The following NXPE4 variants were observed in gnomAD, a reference collection of about 807,000 sequenced individuals.
The protein encoded by NXPE4 is NXPE family member 4.
A neutral mutation model predicts 33.3 loss-of-function variants in NXPE4; 42 were observed. The ratio of observed to expected loss-of-function variants is 1.26; its 90% CI spans 0.98 to 1.63. NXPE4 has a LOEUF of 1.63. NXPE4 is among the 40% of genes most tolerant of loss of function. The pLI is 0.00. For synonymous variants in NXPE4, 253 were observed against 234.9 expected (o/e 1.08, Z -0.71); for missense variants, 709 against 647.6 (o/e 1.09, Z -1.03).
chr11:114,587,076 GGCCCT>G (rs1463328105), intron 2 of NXPE4, among the ~76,000 whole-genome samples: 3 of 152,080 alleles, frequency 2.0e-5, no homozygotes. Context: ...GCATATTGTT[GGCCCT>G]TTGCGGAAAC....
upstream of NXPE4, among the ~76,000 whole-genome samples, chr11:114,597,287 A>G (rs1949584575): frequency 6.6e-6 from 1 of 152,230 alleles, no homozygotes; most frequent in African/African-American, 2.4e-5. Context: ...GGAACATAGC[A>G]AACTGTCAAT....
the NXPE4 span, among the ~76,000 whole-genome samples, chr11:114,649,959 T>C: frequency 6.6e-6 from 1 of 152,208 alleles, no homozygotes; most frequent in Admixed American, 6.5e-5. Context: ...GGATGAATTA[T>C]ATTATATGTA....
the NXPE4 span, among the ~76,000 whole-genome samples, chr11:114,621,763 T>C: frequency 6.6e-6 from 1 of 152,148 alleles, no homozygotes; most frequent in Non-Finnish European, 1.5e-5. Context: ...TAATAGGTAT[T>C]GCCTCATGGG....
chr11:114,663,186 G>A, the NXPE4 span, among the ~76,000 whole-genome samples: 1 of 152,142 alleles, frequency 6.6e-6, no homozygotes, highest in African/African-American at 2.4e-5. Flanking sequence ...GCCTATGACA[G>A]CAGCCACAGG....
chr11:114,614,906 C>A, the NXPE4 span, among the ~76,000 whole-genome samples: 1 of 151,774 alleles, frequency 6.6e-6, no homozygotes, highest in Admixed American at 6.6e-5. Context: ...AGGGTAATCA[C>A]TGTTACCCAG....
chr11:114,577,047 A>T (rs1368136546), intron 5 of NXPE4, among the ~76,000 whole-genome samples: 1 of 41,948 alleles, frequency 2.4e-5, no homozygotes, highest in Non-Finnish European at 4.3e-5. Context: ...ATATAAAGTT[A>T]TATATATATA....
chr11:114,654,999 T>C, the NXPE4 span, among the ~76,000 whole-genome samples: 1 of 152,236 alleles, frequency 6.6e-6, no homozygotes, highest in African/African-American at 2.4e-5. Flanking sequence ...CCTGACTTTT[T>C]AATAATCACC....
At chr11:114,601,335 T>C in the NXPE4 span, among the ~76,000 whole-genome samples, 5 of 148,588 alleles carry the variant, frequency 3.4e-5, no homozygotes, top group African/African-American at 5.0e-5. Flanking sequence ...TAAGTGAGAA[T>C]ATGTGGTATT....
the NXPE4 span, among the ~76,000 whole-genome samples, chr11:114,601,891 T>TATTATATAATTATATATAA: frequency 8.6e-5 from 5 of 57,848 alleles, no homozygotes; most frequent in East Asian, 1.1e-3. Context: ...TAATTATATA[T>TATTATATAATTATATATAA]TATATTTATA....
chr11:114,666,017 T>A, the NXPE4 span, among the ~76,000 whole-genome samples: 1 of 152,088 alleles, frequency 6.6e-6, no homozygotes, highest in Non-Finnish European at 1.5e-5. Context: ...CCAGTGCCCT[T>A]ACTTCCACAC....
chr11:114,612,829 G>A, the NXPE4 span, among the ~76,000 whole-genome samples: 5 of 151,920 alleles, frequency 3.3e-5, no homozygotes, highest in Non-Finnish European at 7.4e-5. Flanking sequence ...GTTACCCAGA[G>A]GATAGTAAGT....
At chr11:114,637,422 G>A in the NXPE4 span, among the ~76,000 whole-genome samples, 1 of 151,958 alleles carries the variant, frequency 6.6e-6, no homozygotes, top group African/African-American at 2.4e-5. Context: ...TATCCAATTT[G>A]CCAGTCTGTG....
At chr11:114,624,096 T>C in the NXPE4 span, among the ~76,000 whole-genome samples, 1 of 151,572 alleles carries the variant, frequency 6.6e-6, no homozygotes, top group South Asian at 2.1e-4. Context: ...CTCTGGATAA[T>C]AGGTTTTATG....
chr11:114,570,771 T>C lies in NXPE4; in HGVS notation c.*167A>G. On this transcript the variant is annotated 3_prime_UTR_variant, in exon 6 of 6. Coordinates refer to ENST00000375478, the MANE Select transcript of NXPE4 (RefSeq NM_001077639.2). ...TTTTATTTTTAAGTGGAAGCCCAGA[T>C]TAGAAACATCTCATTTAGCTGAATT... is the stretch of plus-strand genomic sequence containing the variant. The C allele has an allele frequency of 1.8e-6, 1 of 541,486 alleles. No homozygotes were observed. Among genetic ancestry groups the C allele is most frequent in the Non-Finnish European group, 3.2e-6 (1 of 309,692 alleles). 33.5% of individuals were successfully genotyped at this position (541,486 alleles called of 1,614,324 possible). A position where few individuals can be genotyped will look rare whatever the true frequency, so the allele number is the denominator to read the frequency against.
intron 5 of NXPE4, 28 bp downstream of exon 5, chr11:114,580,104 A>G: frequency 6.4e-7 from 1 of 1,563,448 alleles, no homozygotes; most frequent in Non-Finnish European, 8.8e-7. Flanking sequence ...TGAAAGGGGT[A>G]AGAATTATAG....
intron 2 of NXPE4, among the ~76,000 whole-genome samples, chr11:114,588,933 G>A (rs1206725879): frequency 6.6e-6 from 1 of 152,124 alleles, no homozygotes; most frequent in Non-Finnish European, 1.5e-5. Flanking sequence ...ATAGCATTTT[G>A]GAGAACCTCC....
chr11:114,653,574 C>T, the NXPE4 span, among the ~76,000 whole-genome samples: 12 of 142,354 alleles, frequency 8.4e-5, no homozygotes, highest in East Asian at 2.1e-4. Context: ...CTTGCTCTGT[C>T]GCCCAGGCAG....
At chr11:114,625,577 G>A in the NXPE4 span, among the ~76,000 whole-genome samples, 27 of 152,124 alleles carry the variant, frequency 1.8e-4, no homozygotes, top group Non-Finnish European at 2.5e-4. Context: ...GTATTGCCTC[G>A]TGGGTAACCA....
chr11:114,577,422 A>G (rs1189048378), intron 5 of NXPE4, among the ~76,000 whole-genome samples: 1 of 152,064 alleles, frequency 6.6e-6, no homozygotes, highest in African/African-American at 2.4e-5. Flanking sequence ...TTGGCGAGGG[A>G]TAAAAGACTA....
Sources: allele counts gnomAD v4.1 joint callset (sites outside exome capture counted in the v4.1 genomes callset), GRCh38; gene constraint gnomAD v4.1.1; transcripts MANE v1.5; gene names NCBI Gene and HGNC (gene_info 2026-07-23, HGNC 2026-07-21).